Variants in ARHGAP26 observed in about 807,000 individuals in gnomAD.
ARHGAP26 encodes rho GTPase-activating protein 26.
ARHGAP26 carries 38 observed loss-of-function variants against 104.8 expected under a neutral mutation model. The ratio of observed to expected loss-of-function variants is 0.36; its 90% CI spans 0.28 to 0.48. The LOEUF is 0.48. Ranked by LOEUF, ARHGAP26 falls within the 20% of genes least tolerant of loss-of-function variation. The probability of loss-of-function intolerance (pLI) is 0.99; values close to 1 mark genes in which losing one functional copy is unlikely to be tolerated. For synonymous variants in ARHGAP26, 341 were observed against 340.0 expected, an observed-to-expected ratio of 1.00 and a Z score of -0.03; for missense variants, 704 against 947.9, an observed-to-expected ratio of 0.74 and a Z score of 3.38.
intron 17 of ARHGAP26, among the ~76,000 whole-genome samples, chr5:143,091,280 T>C (rs1395230443): frequency 6.6e-6 from 1 of 152,190 alleles, no homozygotes; most frequent in East Asian, 1.9e-4. Context: ...GAGTTTTCCT[T>C]CTTTCCACCC....
chr5:142,858,356 T>C (rs1418652540), intron 1 of ARHGAP26, among the ~76,000 whole-genome samples: 2 of 152,160 alleles, frequency 1.3e-5, no homozygotes, highest in Non-Finnish European at 2.9e-5. Context: ...ATAGGCATCT[T>C]GTTGGCTAAG....
At chr5:142,875,215 T>C in intron 3 of ARHGAP26, 44 bp downstream of exon 3, 1 of 1,584,172 alleles carries the variant, frequency 6.3e-7, no homozygotes, top group Non-Finnish European at 8.7e-7. Context: ...AGTATATTCG[T>C]GTTGAGGGAG....
intron 1 of ARHGAP26, among the ~76,000 whole-genome samples, chr5:142,863,431 G>A (rs1366855145): frequency 2.0e-5 from 3 of 152,338 alleles, no homozygotes; most frequent in Admixed American, 1.3e-4. Context: ...TTAAGGCCGA[G>A]TGTGTCACAT....
At chr5:142,936,520 CTTGTTCTAAAA>C (rs1398217490) in intron 11 of ARHGAP26, among the ~76,000 whole-genome samples, 21 of 152,080 alleles carry the variant, frequency 1.4e-4, no homozygotes, top group Non-Finnish European at 3.1e-4. Context: ...TACAGACAAG[CTTGTTCTAAAA>C]TTTATATATA....
At chr5:143,089,032 G>A (rs1371288797) in intron 17 of ARHGAP26, among the ~76,000 whole-genome samples, 1 of 152,186 alleles carries the variant, frequency 6.6e-6, no homozygotes, top group Non-Finnish European at 1.5e-5. Context: ...GTTGCTTTAC[G>A]AGGAAGTTAA....
chr5:142,798,953 T>C (rs368143392), intron 1 of ARHGAP26, among the ~76,000 whole-genome samples: 22 of 152,332 alleles, frequency 1.4e-4, no homozygotes, highest in African/African-American at 4.8e-4. Context: ...AGTGGTAACC[T>C]TGAAGGCCCA....
At chr5:142,796,760 T>A (rs1202976830) in intron 1 of ARHGAP26, among the ~76,000 whole-genome samples, 3 of 152,238 alleles carry the variant, frequency 2.0e-5, no homozygotes, top group Non-Finnish European at 4.4e-5. Context: ...CTGTTTTGAT[T>A]TTTTCTAATG....
chr5:142,953,146 A>G (rs1423997568), intron 11 of ARHGAP26, among the ~76,000 whole-genome samples: 1 of 152,210 alleles, frequency 6.6e-6, no homozygotes. Context: ...CACACCAACC[A>G]GGATTGTCCT....
intron 1 of ARHGAP26, among the ~76,000 whole-genome samples, chr5:142,857,276 A>G (rs1752515418): frequency 6.6e-6 from 1 of 152,212 alleles, no homozygotes. Flanking sequence ...TTTTGAGGGT[A>G]CTATCCACTA....
rs947250592 is a variant in ARHGAP26, at chr5:143,118,846, G to A, written c.1539-2142G>A. ...GGAGATACACCTAATGCTAAATGAC[G>A]AGTTAATGGGTGCAGCACACCAGCA... On this transcript the variant is annotated intron_variant, in intron 17 of 22. Coordinates refer to ENST00000645722, the MANE Select transcript of ARHGAP26 (RefSeq NM_001135608.3). Among the ~76,000 whole-genome samples the A allele has an allele frequency of 3.3e-5, 5 of 151,606 alleles. No homozygotes were observed. In the East Asian group the frequency reaches 5.8e-4, roughly 18 times the overall value.
chr5:143,004,195 A>G (rs1777616695), intron 11 of ARHGAP26, among the ~76,000 whole-genome samples: 1 of 152,158 alleles, frequency 6.6e-6, no homozygotes, highest in African/African-American at 2.4e-5. Context: ...CTGTTGTTAT[A>G]GGTAAATTTT....
At chr5:143,180,326 A>C (rs902824629) in intron 20 of ARHGAP26, among the ~76,000 whole-genome samples, 4 of 152,014 alleles carry the variant, frequency 2.6e-5, no homozygotes, top group African/African-American at 7.2e-5. Context: ...GGGTTTCACC[A>C]TGTTGGCCAG....
chr5:142,880,842 G>T (rs772812741), intron 4 of ARHGAP26, among the ~76,000 whole-genome samples: 2 of 152,168 alleles, frequency 1.3e-5, no homozygotes, highest in African/African-American at 2.4e-5. Context: ...AAAAGATGAT[G>T]TTTAGTCAGG....
At chr5:143,102,487 T>C (rs867715305) in intron 17 of ARHGAP26, among the ~76,000 whole-genome samples, 3 of 152,242 alleles carry the variant, frequency 2.0e-5, no homozygotes, top group Admixed American at 2.0e-4. Context: ...CTCAGAATGC[T>C]GATCCTCATA....
chr5:142,979,065 C>A lies in ARHGAP26; in HGVS notation c.1108-35015C>A, dbSNP rs148444203. ...TTTAACCAAAGCAATTATACAAAGA[C>A]CTTTTTGAGGCCATTATGGAAATCT... On this transcript the variant is annotated intron_variant, in intron 11 of 22. Transcript: ENST00000645722. Among the ~76,000 whole-genome samples the A allele has an allele frequency of 4.6e-3, 698 of 152,196 alleles. 3 individuals are homozygous for A. Among genetic ancestry groups the A allele is most frequent in the Middle Eastern group, 0.02 (6 of 294 alleles).
At chr5:143,028,672 G>C (rs1175358731) in intron 12 of ARHGAP26, among the ~76,000 whole-genome samples, 2 of 152,128 alleles carry the variant, frequency 1.3e-5, no homozygotes, top group South Asian at 4.1e-4. Context: ...TTATACAAGC[G>C]AGGAAGGTGA....
At chr5:142,989,143 T>A (rs1011400063) in intron 11 of ARHGAP26, among the ~76,000 whole-genome samples, 2 of 152,216 alleles carry the variant, frequency 1.3e-5, no homozygotes, top group African/African-American at 4.8e-5. Flanking sequence ...TTTGTAGGTC[T>A]CTAAGGACTT....
chr5:143,081,609 G>C (rs1789820592), intron 17 of ARHGAP26, among the ~76,000 whole-genome samples: 1 of 152,200 alleles, frequency 6.6e-6, no homozygotes, highest in Non-Finnish European at 1.5e-5. Flanking sequence ...AGGTGTCCTT[G>C]TTTATAAAAT....
rs555791902 is a variant in ARHGAP26, at chr5:142,986,980, A to G, written c.1108-27100A>G. ...TCTTTTGGCTTAGGATTGTTTTGGC[A>G]ATGCGGCTCTTTTTTGGTTCCATAT... On this transcript the variant is annotated intron_variant, in intron 11 of 22. Transcript: ENST00000645722. 2.0e-5 allele frequency among the ~76,000 whole-genome samples: 3 copies of G among 152,276 alleles called. No individual in the cohort carries two copies. In the South Asian group the frequency reaches 6.2e-4, roughly 32 times the overall value.
Sources: gnomAD v4.1 joint callset for allele counts (sites outside exome capture counted in the v4.1 genomes callset) on GRCh38, gnomAD v4.1.1 for gene constraint, MANE v1.5 for transcripts, NCBI Gene and HGNC (gene_info 2026-07-23, HGNC 2026-07-21) for gene names.